The following SGMS1 variants were observed in gnomAD, a reference collection of about 807,000 sequenced individuals.
SGMS1 encodes the protein phosphatidylcholine:ceramide cholinephosphotransferase 1.
A neutral mutation model predicts 46.2 loss-of-function variants in SGMS1; 13 were observed. The ratio of observed to expected loss-of-function variants is 0.28; its 90% CI spans 0.18 to 0.45. The LOEUF is 0.45. Ranked by LOEUF, SGMS1 falls within the 20% of genes least tolerant of loss-of-function variation. The pLI, the probability that SGMS1 is intolerant of heterozygous loss-of-function variation, is 1.00. For missense variants in SGMS1, 324 were observed against 519.9 expected, an observed-to-expected ratio of 0.62 and a Z score of 3.66; for synonymous variants, 203 against 187.8, an observed-to-expected ratio of 1.08 and a Z score of -0.66.
chr10:50,624,286 C>G (rs772957483), upstream of SGMS1, among the ~76,000 whole-genome samples: 8 of 152,170 alleles, frequency 5.3e-5, no homozygotes, highest in Non-Finnish European at 1.0e-4. Flanking sequence ...GCCGCTAGAG[C>G]TGGTCACAAA....
chr10:50,529,179 T>C (rs1190914832), intron 2 of SGMS1, among the ~76,000 whole-genome samples: 1 of 152,226 alleles, frequency 6.6e-6, no homozygotes, highest in African/African-American at 2.4e-5. Flanking sequence ...AGAACATGCT[T>C]ACCACCAATA....
chr10:50,435,439 C>A (rs977497490), intron 5 of SGMS1, among the ~76,000 whole-genome samples: 1 of 152,126 alleles, frequency 6.6e-6, no homozygotes, highest in Non-Finnish European at 1.5e-5. Context: ...CCTGATGAGA[C>A]CATTCTGGAA....
intron 1 of SGMS1, among the ~76,000 whole-genome samples, chr10:50,600,041 G>A (rs1010927436): frequency 1.3e-5 from 2 of 152,092 alleles, no homozygotes; most frequent in Non-Finnish European, 2.9e-5. Flanking sequence ...CATGCTTCAA[G>A]CTATTTCAGC....
At chr10:50,357,685 A>G (rs1848176218) in intron 6 of SGMS1, among the ~76,000 whole-genome samples, 1 of 152,214 alleles carries the variant, frequency 6.6e-6, no homozygotes, top group African/African-American at 2.4e-5. Context: ...TTTGGAAAAC[A>G]TAATACATAA....
Position 50,421,710 on chromosome 10 carries a change from T to G in SGMS1, c.-232+11766A>C, listed in dbSNP as rs571529938. On this transcript the variant is annotated intron_variant, in intron 6 of 10. Transcript: ENST00000361781. ...GCCCATGGGTCTCTTTATCTCTGCC[T>G]GTGCTCCCTGGCCTATGTAGTGGAG... Among the ~76,000 whole-genome samples, 7 of 152,334 alleles carry G rather than the reference T, an allele frequency of 4.6e-5. No individual in the cohort carries two copies. The East Asian group carries it at 1.4e-3, about 29-fold the overall frequency.
At chr10:50,566,468 C>G (rs1191488307) in intron 2 of SGMS1, among the ~76,000 whole-genome samples, 1 of 152,120 alleles carries the variant, frequency 6.6e-6, no homozygotes, top group Non-Finnish European at 1.5e-5. Context: ...TTAAATTTCT[C>G]TCTGATTCTT....
intron 8 of SGMS1, among the ~76,000 whole-genome samples, chr10:50,321,864 A>C (rs894722469): frequency 2.0e-5 from 3 of 152,228 alleles, no homozygotes; most frequent in Non-Finnish European, 4.4e-5. Flanking sequence ...TTGCCTTATA[A>C]GACTGAACTT....
intron 3 of SGMS1, among the ~76,000 whole-genome samples, chr10:50,510,840 G>GT (rs35569088): frequency 6.6e-6 from 1 of 151,800 alleles, no homozygotes; most frequent in African/African-American, 2.4e-5. Context: ...GTTTGTTTGG[G>GT]TTTTTTTACA....
intron 1 of SGMS1, among the ~76,000 whole-genome samples, chr10:50,596,264 C>T (rs1259920191): frequency 1.3e-5 from 2 of 151,676 alleles, no homozygotes; most frequent in Non-Finnish European, 2.9e-5. Flanking sequence ...GCAACCTGCG[C>T]CTCCCTGGTT....
intron 6 of SGMS1, among the ~76,000 whole-genome samples, chr10:50,359,644 T>C (rs1454831298): frequency 6.6e-6 from 1 of 151,726 alleles, no homozygotes. Context: ...TATGTAAATA[T>C]TTAGTGATCA....
At chr10:50,614,552 TC>T (rs1212778944) in intron 1 of SGMS1, among the ~76,000 whole-genome samples, 1 of 152,224 alleles carries the variant, frequency 6.6e-6, no homozygotes, top group Non-Finnish European at 1.5e-5. Flanking sequence ...ATTAGACATG[TC>T]AACTGCCCAC....
In SGMS1 at chr10:50,506,713, TG is replaced by T. The variant is rs1254821768; in HGVS notation, c.-498+13117del. On this transcript the variant is annotated intron_variant, in intron 3 of 10. Transcript: ENST00000361781. ...CAGAATTTTTTTAAATTAAAGATAATGGGAGCCACTTACTCTGTGACAGGAA... is the reference window on the plus strand; with the variant it reads ...CAGAATTTTTTTAAATTAAAGATAATGGAGCCACTTACTCTGTGACAGGAA... Among the ~76,000 whole-genome samples the T allele has an allele frequency of 3.3e-5, 5 of 152,174 alleles. No individual in the cohort carries two copies. The East Asian group carries it at 9.6e-4, about 29-fold the overall frequency.
intron 8 of SGMS1, among the ~76,000 whole-genome samples, chr10:50,323,198 C>T (rs565882344): frequency 6.6e-6 from 1 of 152,160 alleles, no homozygotes; most frequent in African/African-American, 2.4e-5. Flanking sequence ...AACAATAAGA[C>T]CAATTTTTAT....
chr10:50,429,839 G>C (rs1189059659), intron 6 of SGMS1, among the ~76,000 whole-genome samples: 2 of 151,632 alleles, frequency 1.3e-5, no homozygotes, highest in Non-Finnish European at 2.9e-5. Flanking sequence ...TGAGCATTTG[G>C]AACTATTTTA....
At chr10:50,366,797 G>A (rs1254298768) in intron 6 of SGMS1, among the ~76,000 whole-genome samples, 1 of 152,030 alleles carries the variant, frequency 6.6e-6, no homozygotes, top group East Asian at 1.9e-4. Context: ...ACCGGAGCCT[G>A]TTGGAGGGTG....
chr10:50,423,814 T>C (rs1200928918), intron 6 of SGMS1, among the ~76,000 whole-genome samples: 1 of 152,216 alleles, frequency 6.6e-6, no homozygotes, highest in African/African-American at 2.4e-5. Context: ...ATATTTCTAA[T>C]ACTGTACTCA....
intron 6 of SGMS1, among the ~76,000 whole-genome samples, chr10:50,348,430 C>T (rs972703383): frequency 1.3e-5 from 2 of 151,960 alleles, no homozygotes; most frequent in Non-Finnish European, 1.5e-5. Context: ...TCATCTCAGC[C>T]CAAAAAGTCC....
intron 6 of SGMS1, among the ~76,000 whole-genome samples, chr10:50,403,608 C>T (rs41417550): frequency 0.031 from 4,751 of 151,932 alleles, 230 homozygotes; most frequent in African/African-American, 0.11. Context: ...ATCTACAACT[C>T]CTGGCTACCA....
chr10:50,614,112 T>TC, intron 1 of SGMS1, among the ~76,000 whole-genome samples: 2 of 80,586 alleles, frequency 2.5e-5, no homozygotes, highest in East Asian at 6.5e-4. Flanking sequence ...GAAGTCTTTC[T>TC]TTTTTTTTTT....
Sources: allele counts gnomAD v4.1 joint callset (sites outside exome capture counted in the v4.1 genomes callset), GRCh38; gene constraint gnomAD v4.1.1; transcripts MANE v1.5; gene names NCBI Gene and HGNC (gene_info 2026-07-23, HGNC 2026-07-21).